Variants in CTNNA3 observed in about 807,000 individuals in gnomAD.
The protein encoded by CTNNA3 is catenin alpha-3.
In CTNNA3, 76 loss-of-function variants were observed where a neutral mutation model predicts 95.7. The observed-to-expected ratio is 0.79, with a 90% CI of 0.66 to 0.96. The LOEUF is 0.96. Ranked by LOEUF, CTNNA3 falls within the 40% of genes least tolerant of loss-of-function variation. The pLI is 0.00. For missense variants in CTNNA3, 1,191 were observed against 1,089.8 expected (o/e 1.09, Z -1.31); for synonymous variants, 431 against 374.4 (o/e 1.15, Z -1.74).
chr10:67,137,232 A>T lies in CTNNA3; in HGVS notation c.1047+43085T>A, dbSNP rs556298962. 5.4e-4 allele frequency among the ~76,000 whole-genome samples: 82 copies of T among 152,306 alleles called. 1 individual carries two copies. The South Asian group carries it at 0.017, about 31-fold the overall frequency. Reference sequence around the variant, plus strand: ...CTACAGATAGATGGAAAAGTATGTTAGCTATTGTAATAAAAGTTTATATAT... The same window carrying T: ...CTACAGATAGATGGAAAAGTATGTTTGCTATTGTAATAAAAGTTTATATAT... On this transcript the variant is annotated intron_variant, in intron 7 of 17. Transcript: ENST00000433211.
chr10:66,976,144 A>T (rs1339362860), intron 7 of CTNNA3, among the ~76,000 whole-genome samples: 1 of 152,190 alleles, frequency 6.6e-6, no homozygotes, highest in Non-Finnish European at 1.5e-5. Context: ...TTTGTAAAAC[A>T]TATGTTCTTG....
chr10:66,646,757 T>C (rs902141707), intron 9 of CTNNA3, among the ~76,000 whole-genome samples: 7 of 152,124 alleles, frequency 4.6e-5, no homozygotes, highest in African/African-American at 1.7e-4. Flanking sequence ...TGGCAAGTCT[T>C]GTTCAGATGG....
chr10:66,745,205 A>C (rs552080313), intron 9 of CTNNA3, among the ~76,000 whole-genome samples: 1 of 152,318 alleles, frequency 6.6e-6, no homozygotes, highest in African/African-American at 2.4e-5. Context: ...GTTAGCTTCA[A>C]GTGTAATGCC....
chr10:66,591,927 T>G (rs1475436908), intron 10 of CTNNA3, among the ~76,000 whole-genome samples: 1 of 152,150 alleles, frequency 6.6e-6, no homozygotes, highest in African/African-American at 2.4e-5. Context: ...TATATAACCC[T>G]ATCAGCTCAT....
intron 5 of CTNNA3, among the ~76,000 whole-genome samples, chr10:67,234,179 C>T (rs956492395): frequency 2.0e-5 from 3 of 152,180 alleles, no homozygotes; most frequent in Non-Finnish European, 4.4e-5. Flanking sequence ...CAGCATCATC[C>T]TGATACCAAA....
At chr10:67,602,354 T>C (rs1207482976) in intron 3 of CTNNA3, among the ~76,000 whole-genome samples, 2 of 152,232 alleles carry the variant, frequency 1.3e-5, no homozygotes, top group East Asian at 3.8e-4. Flanking sequence ...TCACTATCCC[T>C]ACTATCCATA....
At chr10:65,947,423 C>T (rs190246002) in intron 17 of CTNNA3, among the ~76,000 whole-genome samples, 44 of 152,210 alleles carry the variant, frequency 2.9e-4, no homozygotes, top group Admixed American at 9.8e-4. Flanking sequence ...ATGACTACTA[C>T]GACTATTATT....
intron 11 of CTNNA3, among the ~76,000 whole-genome samples, chr10:66,508,927 G>C (rs1262797230): frequency 6.6e-6 from 1 of 152,008 alleles, no homozygotes; most frequent in African/African-American, 2.4e-5. Flanking sequence ...AGATCATATG[G>C]AAGTCCTATT....
intron 10 of CTNNA3, among the ~76,000 whole-genome samples, chr10:66,559,815 C>T (rs965235651): frequency 1.3e-5 from 2 of 152,008 alleles, no homozygotes; most frequent in African/African-American, 4.8e-5. Flanking sequence ...TCCCACGCCA[C>T]CCCCTTTTAA....
At chr10:66,121,153 T>C (rs1159145390) in intron 13 of CTNNA3, among the ~76,000 whole-genome samples, 1 of 152,200 alleles carries the variant, frequency 6.6e-6, no homozygotes. Flanking sequence ...CCCTGAGTTA[T>C]TTCTTTGAGA....
chr10:66,218,680 G>C (rs2088714323), intron 13 of CTNNA3, among the ~76,000 whole-genome samples: 1 of 152,196 alleles, frequency 6.6e-6, no homozygotes, highest in Non-Finnish European at 1.5e-5. Context: ...TGTTACTCAA[G>C]CATACACAGC....
intron 8 of CTNNA3, among the ~76,000 whole-genome samples, chr10:66,766,972 C>T (rs1839885283): frequency 1.3e-5 from 2 of 151,954 alleles, no homozygotes; most frequent in African/African-American, 4.8e-5. Flanking sequence ...TGTTCTTGCC[C>T]TCACACTTTA....
chr10:66,692,695 T>C (rs545428912), intron 9 of CTNNA3, among the ~76,000 whole-genome samples: 1 of 152,022 alleles, frequency 6.6e-6, no homozygotes, highest in Non-Finnish European at 1.5e-5. Context: ...GGAAAAAATG[T>C]TAAGGGCAGC....
intron 10 of CTNNA3, among the ~76,000 whole-genome samples, chr10:66,586,746 A>G (rs1843372089): frequency 6.6e-6 from 1 of 152,142 alleles, no homozygotes; most frequent in African/African-American, 2.4e-5. Flanking sequence ...CTGTTGGGGT[A>G]GAGCTGCAGA....
intron 7 of CTNNA3, among the ~76,000 whole-genome samples, chr10:67,006,797 A>T (rs546039449): frequency 4.0e-5 from 6 of 151,156 alleles, no homozygotes; most frequent in South Asian, 2.1e-4. Context: ...ACAGTCTTAA[A>T]TTTTTTTTTC....
chr10:66,862,959 G>A (rs1197677127), intron 7 of CTNNA3, among the ~76,000 whole-genome samples: 1 of 152,126 alleles, frequency 6.6e-6, no homozygotes, highest in Non-Finnish European at 1.5e-5. Flanking sequence ...TGTGAATTGA[G>A]ACAGTAGCTT....
chr10:66,448,358 C>G (rs1589266366), intron 11 of CTNNA3, among the ~76,000 whole-genome samples: 1 of 152,166 alleles, frequency 6.6e-6, no homozygotes, highest in Non-Finnish European at 1.5e-5. Context: ...AATCATGCTG[C>G]TATAAAGACA....
At chr10:67,711,098 C>T (rs1038455985) in intron 1 of CTNNA3, among the ~76,000 whole-genome samples, 13 of 152,168 alleles carry the variant, frequency 8.5e-5, no homozygotes, top group African/African-American at 3.1e-4. Flanking sequence ...TATCTTCCAC[C>T]ATGATTGTGA....
intron 17 of CTNNA3, among the ~76,000 whole-genome samples, chr10:65,931,255 C>A (rs765132202): frequency 1.3e-4 from 20 of 152,166 alleles, no homozygotes; most frequent in Non-Finnish European, 2.9e-5. Context: ...GTTTTCAGGG[C>A]TCTTGTGTGC....
Sources: allele counts gnomAD v4.1 joint callset (sites outside exome capture counted in the v4.1 genomes callset), GRCh38; gene constraint gnomAD v4.1.1; transcripts MANE v1.5; gene names NCBI Gene and HGNC (gene_info 2026-07-23, HGNC 2026-07-21).